Variants in RASA1 observed in about 807,000 individuals in gnomAD.
RASA1 encodes the protein RAS p21 protein activator 1.
Under a neutral mutation model 132.2 loss-of-function variants are expected in RASA1, and 25 were observed. That is an observed-to-expected ratio of 0.19 (90% CI 0.14 to 0.26). The LOEUF is 0.26. Among genes scored for constraint, RASA1 ranks in the 10% least tolerant of loss-of-function variants. The pLI is 1.00. For missense variants in RASA1, 964 were observed against 1,299.2 expected (o/e 0.74, Z 3.97); for synonymous variants, 477 against 449.9 (o/e 1.06, Z -0.76).
chr5:87,298,401 A>G (rs994520218), intron 1 of RASA1, among the ~76,000 whole-genome samples: 2 of 148,226 alleles, frequency 1.3e-5, no homozygotes, highest in Admixed American at 6.7e-5. Flanking sequence ...CGACAGAGCG[A>G]GACTCTGTCT....
At position 87,374,850 on chromosome 5, in the gene RASA1, C is replaced by G. The variant is rs759715233; in HGVS notation, c.1945C>G (p.Pro649Ala). 22 of 1,608,798 alleles carry G rather than the reference C, an allele frequency of 1.4e-5. No homozygotes were observed. Among genetic ancestry groups the G allele is most frequent in the Non-Finnish European group, 1.9e-5 (22 of 1,177,354 alleles). ...SEEFVFDDLPPDINRFEITLS... is the reference protein window; with the variant it reads ...SEEFVFDDLPADINRFEITLS... ...TCCTTGCTCCTTTAGTGATCTTCCT[C>G]CTGACATCAATAGATTTGAAATAAC... The change falls in exon 15 of 25, where the codon CCT becomes GCT. Residue 649 changes from proline to alanine, a missense_variant. By Grantham distance (27) the Pro-to-Ala change is conservative. Around this residue, in one of 6 missense-constraint regions of RASA1, gnomAD observed 346 missense variants for 520.1 expected, o/e 0.67. Coordinates refer to ENST00000274376, the MANE Select transcript of RASA1 (RefSeq NM_002890.3).
At chr5:87,331,561 A>G in intron 2 of RASA1, 61 bp downstream of exon 2, 1 of 1,548,224 alleles carries the variant, frequency 6.5e-7, no homozygotes, top group Non-Finnish European at 8.9e-7. Flanking sequence ...AATATTCATA[A>G]ATATACCTGT....
Position 87,335,813 on chromosome 5 carries a change from C to T in RASA1, c.900-2161C>T, listed in dbSNP as rs181134249. 4.7e-3 allele frequency among the ~76,000 whole-genome samples: 717 copies of T among 152,184 alleles called. 5 individuals carry two copies. The highest frequency in any genetic ancestry group is 8.0e-3 in the Non-Finnish European group (543 of 67,998). ...GAACTAATATTTTCTAAAAGGTCAA[C>T]GCATGTTGTTACAAAATTATGCATG... On this transcript the variant is annotated intron_variant, in intron 4 of 24. Transcript: ENST00000274376.
intron 9 of RASA1, among the ~76,000 whole-genome samples, chr5:87,361,783 G>C (rs1441974722): frequency 6.6e-6 from 1 of 152,112 alleles, no homozygotes; most frequent in East Asian, 1.9e-4. Context: ...TTAACACTTA[G>C]AAATTTCATC....
chr5:87,285,618 C>CTTTTTTT (rs548410947), intron 1 of RASA1, among the ~76,000 whole-genome samples: 41 of 126,036 alleles, frequency 3.3e-4, no homozygotes, highest in African/African-American at 5.9e-4. Context: ...TTTTCTTTTT[C>CTTTTTTT]TTTTTTTTTT....
chr5:87,362,507 C>T (rs2112456061), intron 9 of RASA1, 44 bp from the exon 10 acceptor site: 13 of 1,547,224 alleles, frequency 8.4e-6, no homozygotes, highest in Non-Finnish European at 1.2e-5. Context: ...ACTTCATTTC[C>T]ATCAAGAATG....
At chr5:87,383,116 A>G (rs1321772419) in intron 20 of RASA1, among the ~76,000 whole-genome samples, 1 of 152,056 alleles carries the variant, frequency 6.6e-6, no homozygotes, top group Non-Finnish European at 1.5e-5. Flanking sequence ...GAAAAAAGGA[A>G]AAAAGAAAAC....
chr5:87,267,936 GC>G lies in RASA1; in HGVS notation c.-510del. 2.6e-6 allele frequency: 1 copy of G among 380,078 alleles called. No homozygotes were observed. The highest frequency in any genetic ancestry group is 4.6e-6 in the Non-Finnish European group (1 of 217,028). 23.5% of individuals were successfully genotyped at this position (380,078 alleles called of 1,614,324 possible). A position where few individuals can be genotyped will look rare whatever the true frequency, so the allele number is the denominator to read the frequency against. Reference sequence around the variant, plus strand: ...GTTCAGTCGATTTCCTCGTTACCCCGCCCCCCTTTCTCTTGCCCCCCCACCC... The same window carrying G: ...GTTCAGTCGATTTCCTCGTTACCCCGCCCCCTTTCTCTTGCCCCCCCACCC... On this transcript the variant is annotated 5_prime_UTR_variant, in exon 1 of 25. Transcript: ENST00000274376.
At chr5:87,361,916 A>T (rs972708316) in intron 9 of RASA1, among the ~76,000 whole-genome samples, 2 of 152,164 alleles carry the variant, frequency 1.3e-5, no homozygotes, top group African/African-American at 4.8e-5. Context: ...GGTACATTAC[A>T]TGAGGAAATG....
chr5:87,372,252 C>G (rs1050534035), intron 13 of RASA1, 57 bp downstream of exon 13: 18 of 1,491,664 alleles, frequency 1.2e-5, no homozygotes, highest in Non-Finnish European at 1.6e-5. Context: ...ACACTTTGCT[C>G]TTTTTATTTT....
In RASA1 at chr5:87,376,489, C is replaced by G; in HGVS notation, c.2108C>G (p.Pro703Arg). Residue 703 changes from proline (P) to arginine (R), a missense_variant, in exon 16 of 25, where the codon CCA becomes CGA. Physicochemically the swap from Pro to Arg is moderately radical, Grantham distance 103. Transcript: ENST00000274376. Reference protein sequence around the residue: ...SSHIPLKGIEPGSLRVRARYS... With the variant: ...SSHIPLKGIERGSLRVRARYS... Reference sequence around the variant, plus strand: ...CATATACCATTAAAAGGTATTGAACCAGGGTCCCTGCGTGTTCGAGCACGA... The same window carrying G: ...CATATACCATTAAAAGGTATTGAACGAGGGTCCCTGCGTGTTCGAGCACGA... 6.2e-7 allele frequency: 1 copy of G among 1,613,998 alleles called. No individual in the cohort carries two copies. The highest frequency in any genetic ancestry group is 8.5e-7 in the Non-Finnish European group (1 of 1,179,970).
chr5:87,380,080 G>C (rs111265180), intron 19 of RASA1, among the ~76,000 whole-genome samples: 2 of 152,266 alleles, frequency 1.3e-5, no homozygotes, highest in African/African-American at 4.8e-5. Context: ...GTAGCTTGGG[G>C]AGTGAATAGA....
At chr5:87,305,493 G>T (rs187888927) in intron 1 of RASA1, among the ~76,000 whole-genome samples, 2 of 152,256 alleles carry the variant, frequency 1.3e-5, no homozygotes, top group East Asian at 3.9e-4. Flanking sequence ...AAATTAAGAT[G>T]AAATAAAACT....
At chr5:87,282,582 G>GT (rs1376040153) in intron 1 of RASA1, among the ~76,000 whole-genome samples, 4 of 152,080 alleles carry the variant, frequency 2.6e-5, no homozygotes, top group Non-Finnish European at 5.9e-5. Flanking sequence ...GGATCTGTAG[G>GT]TTTATGTTTT....
chr5:87,360,996 C>T (rs1287132866), intron 9 of RASA1, among the ~76,000 whole-genome samples: 2 of 152,042 alleles, frequency 1.3e-5, no homozygotes, highest in South Asian at 2.1e-4. Context: ...CAAAAGATGC[C>T]GCAATACTTT....
Position 87,333,297 on chromosome 5 carries a change from A to T in RASA1, c.859A>T (p.Ile287Phe), listed in dbSNP as rs1222731120. The change falls in exon 4 of 25, where the codon ATT becomes TTT. Residue 287 changes from isoleucine to phenylalanine, a missense_variant. Physicochemically the swap from Ile to Phe is conservative, Grantham distance 21 (BLOSUM62 0). This residue lies in a region of RASA1 where 154 missense variants were observed against 286.5 expected (regional missense o/e 0.54). Transcript: ENST00000274376. ...AGAAGATAGAAGGCGTGTACGAGCT[A>T]TTCTACCTTACACAAAAGTACCAGA... ...PVEDRRRVRA[I>F]LPYTKVPDTD... 2 of 1,613,098 alleles carry T rather than the reference A, an allele frequency of 1.2e-6. No homozygotes were observed. Among genetic ancestry groups the T allele is most frequent in the Non-Finnish European group, 1.7e-6 (2 of 1,179,534 alleles).
Position 87,267,919 on chromosome 5 carries a change from G to A in RASA1, c.-533G>A. ...GCTCCAGGTAGTGAGCAGTTCAGTC[G>A]ATTTCCTCGTTACCCCGCCCCCCTT... On this transcript the variant is annotated 5_prime_UTR_variant, in exon 1 of 25. Coordinates refer to ENST00000274376, the MANE Select transcript of RASA1 (RefSeq NM_002890.3). The A allele has an allele frequency of 2.5e-6, 1 of 392,842 alleles. No individual in the cohort carries two copies. Among genetic ancestry groups the A allele is most frequent in the Middle Eastern group, 6.5e-4 (1 of 1,540 alleles). The allele number at this position is 392,842 out of a possible 1,614,324, so 24.3% of individuals were successfully genotyped here. A position where few individuals can be genotyped will look rare whatever the true frequency, so the allele number is the denominator to read the frequency against.
At chr5:87,285,107 C>T (rs940532104) in intron 1 of RASA1, among the ~76,000 whole-genome samples, 7 of 150,872 alleles carry the variant, frequency 4.6e-5, no homozygotes, top group South Asian at 2.1e-4. Flanking sequence ...CTTGTTCTGT[C>T]GCCAGGCTGT....
In RASA1 at chr5:87,333,481, C is replaced by G. The variant is rs1296422165; in HGVS notation, c.899+144C>G. On this transcript the variant is annotated intron_variant, in intron 4 of 24. Coordinates refer to ENST00000274376, the MANE Select transcript of RASA1 (RefSeq NM_002890.3). ...AGCTTTTGATATTGGGTCTGTTGGT[C>G]CTGTATCTCTGGGTTGGCTTATTTG... 2.3e-6 allele frequency: 3 copies of G among 1,321,770 alleles called. No homozygotes were observed. The East Asian group carries it at 7.7e-5, about 34-fold the overall frequency. 81.9% of individuals were successfully genotyped at this position (1,321,770 alleles called of 1,614,324 possible).
Sources: gnomAD v4.1 joint callset for allele counts (sites outside exome capture counted in the v4.1 genomes callset) on GRCh38, gnomAD v4.1.1 for gene constraint, gnomAD v4.1.1 regional missense constraint, MANE v1.5 for transcripts, NCBI Gene and HGNC (gene_info 2026-07-23, HGNC 2026-07-21) for gene names.